Variants in PTCHD4 observed in about 807,000 individuals in gnomAD.
The protein encoded by PTCHD4 is patched domain-containing protein 4.
In PTCHD4, 33 loss-of-function variants were observed where a neutral mutation model predicts 58.1. The observed-to-expected ratio is 0.57, with a 90% CI of 0.43 to 0.76. PTCHD4 has a LOEUF of 0.76. PTCHD4 is among the 30% of genes least tolerant of loss of function. PTCHD4 has a pLI of 0.00. For synonymous variants in PTCHD4, 478 were observed against 409.6 expected (o/e 1.17, Z -2.02); for missense variants, 1,058 against 1,027.1 (o/e 1.03, Z -0.41).
chr6:47,944,775 T>C (rs1314503979), intron 4 of PTCHD4, among the ~76,000 whole-genome samples: 1 of 152,128 alleles, frequency 6.6e-6, no homozygotes, highest in Non-Finnish European at 1.5e-5. Flanking sequence ...GAAGACCTAC[T>C]CTTTGCCAAA....
chr6:48,073,195 C>T (rs887094529), intron 1 of PTCHD4, among the ~76,000 whole-genome samples: 1 of 152,078 alleles, frequency 6.6e-6, no homozygotes, highest in Non-Finnish European at 1.5e-5. Context: ...TTAATTGGTT[C>T]TTTAGTTCAA....
chr6:48,102,247 T>G (rs1029095397), intron 1 of PTCHD4, among the ~76,000 whole-genome samples: 12 of 152,194 alleles, frequency 7.9e-5, no homozygotes, highest in Non-Finnish European at 1.6e-4. Flanking sequence ...GAAATCCTCT[T>G]CCACAATTTT....
At chr6:47,960,320 A>C (rs747936675) in intron 4 of PTCHD4, among the ~76,000 whole-genome samples, 7 of 152,280 alleles carry the variant, frequency 4.6e-5, no homozygotes, top group Non-Finnish European at 5.9e-5. Context: ...AGATGGGACA[A>C]ATACAGGTAA....
At chr6:47,933,978 A>G (rs922856783) in intron 4 of PTCHD4, among the ~76,000 whole-genome samples, 4 of 152,186 alleles carry the variant, frequency 2.6e-5, no homozygotes, top group Admixed American at 1.3e-4. Context: ...TGTTATCTCT[A>G]TACTATCTTG....
chr6:48,083,270 ACT>A (rs1039328820), intron 1 of PTCHD4, among the ~76,000 whole-genome samples: 2 of 151,922 alleles, frequency 1.3e-5, no homozygotes, highest in African/African-American at 4.8e-5. Context: ...TATATGGGTA[ACT>A]ATATAACAAG....
At chr6:47,912,548 A>G (rs908286878) in intron 4 of PTCHD4, among the ~76,000 whole-genome samples, 2 of 152,056 alleles carry the variant, frequency 1.3e-5, no homozygotes, top group South Asian at 2.1e-4. Flanking sequence ...ATTGTTACCA[A>G]CTGTATTTCC....
At chr6:48,105,943 T>A (rs543573735) in intron 1 of PTCHD4, among the ~76,000 whole-genome samples, 1 of 152,156 alleles carries the variant, frequency 6.6e-6, no homozygotes, top group South Asian at 2.1e-4. Context: ...AGCTCTGAAA[T>A]TGAGGCAATA....
chr6:48,105,545 G>A (rs748708822), intron 1 of PTCHD4, among the ~76,000 whole-genome samples: 13 of 152,134 alleles, frequency 8.5e-5, no homozygotes, highest in South Asian at 2.1e-4. Flanking sequence ...AAGAACTAGC[G>A]AAGCAAGAGC....
chr6:48,008,857 C>T lies in PTCHD4; in HGVS notation c.675G>A (p.Lys225=). The T allele has an allele frequency of 6.2e-7, 1 of 1,613,988 alleles. No individual in the cohort carries two copies. The highest frequency in any genetic ancestry group is 8.5e-7 in the Non-Finnish European group (1 of 1,179,882). The change falls in exon 4 of 5, where the codon AAG becomes AAA. Residue 225 remains lysine (K), a synonymous_variant. Coordinates refer to ENST00000339488, the MANE Select transcript of PTCHD4 (RefSeq NM_001384253.1). Reference sequence around the variant, plus strand: ...CCTTGCTTCTGGCCAGGATGCTGGTCTTATGAAAGTCCCTCCAGAGGCTAA... The same window carrying T: ...CCTTGCTTCTGGCCAGGATGCTGGTTTTATGAAAGTCCCTCCAGAGGCTAA... ...ASFSLWRDFH[K]TSILARSKVL... is the part of the protein sequence containing the mutation.
chr6:47,980,255 A>C (rs1767831319), intron 4 of PTCHD4, among the ~76,000 whole-genome samples: 1 of 151,912 alleles, frequency 6.6e-6, no homozygotes, highest in Admixed American at 6.6e-5. Flanking sequence ...AAATTCATGC[A>C]CTTTAGGCCA....
intron 4 of PTCHD4, among the ~76,000 whole-genome samples, chr6:47,922,499 G>A (rs983113267): frequency 4.6e-5 from 7 of 152,078 alleles, no homozygotes; most frequent in African/African-American, 1.7e-4. Flanking sequence ...TTAAATGGCT[G>A]CAGTTCCATC....
chr6:48,054,991 G>T (rs563087642), intron 3 of PTCHD4, among the ~76,000 whole-genome samples: 201 of 152,242 alleles, frequency 1.3e-3, no homozygotes, highest in Non-Finnish European at 1.8e-3. Context: ...AAAGCTGAGG[G>T]ACAAAGATGT....
chr6:48,038,625 A>C (rs1278127491), intron 3 of PTCHD4, among the ~76,000 whole-genome samples: 2 of 148,708 alleles, frequency 1.3e-5, no homozygotes, highest in East Asian at 4.0e-4. Context: ...AGATCATGGC[A>C]CTGCATTCCA....
At chr6:48,019,456 G>A (rs1189311428) in intron 3 of PTCHD4, among the ~76,000 whole-genome samples, 3 of 152,156 alleles carry the variant, frequency 2.0e-5, no homozygotes, top group Non-Finnish European at 2.9e-5. Context: ...ATAAGTACTG[G>A]CCGGGCGCTG....
intron 4 of PTCHD4, among the ~76,000 whole-genome samples, chr6:47,919,427 G>A (rs1765363755): frequency 6.6e-6 from 1 of 152,202 alleles, no homozygotes; most frequent in African/African-American, 2.4e-5. Context: ...CATTGGGTAT[G>A]TAAGGAGAGT....
Position 47,867,527 on chromosome 6 carries a change from CT to C in PTCHD4, c.*10775del, listed in dbSNP as rs1561927825. ...CAAAATCCAAGTAACTCCCCATATC[CT>C]GGCAATGCTTTATAATACCACTCAC... On this transcript the variant is annotated 3_prime_UTR_variant, in exon 5 of 5. Transcript: ENST00000339488. 6.6e-6 allele frequency among the ~76,000 whole-genome samples: 1 copy of C among 151,600 alleles called. No individual in the cohort carries two copies. The highest frequency in any genetic ancestry group is 2.0e-4 in the East Asian group (1 of 5,100).
chr6:48,056,013 G>A (rs376451318), intron 3 of PTCHD4, among the ~76,000 whole-genome samples: 356 of 152,318 alleles, frequency 2.3e-3, no homozygotes, highest in African/African-American at 8.1e-3. Context: ...CACTCTTAGT[G>A]GAAAAGTATG....
At chr6:48,091,969 G>T (rs545714168) in intron 1 of PTCHD4, among the ~76,000 whole-genome samples, 1 of 151,658 alleles carries the variant, frequency 6.6e-6, no homozygotes, top group African/African-American at 2.4e-5. Flanking sequence ...AAGATGCCCA[G>T]ATTAAGAGTA....
intron 4 of PTCHD4, among the ~76,000 whole-genome samples, chr6:48,001,584 C>T (rs1192576089): frequency 1.3e-5 from 2 of 152,194 alleles, no homozygotes; most frequent in East Asian, 3.8e-4. Flanking sequence ...GGATCCCTTC[C>T]TTACACCTTA....
Sources: allele counts gnomAD v4.1 joint callset (sites outside exome capture counted in the v4.1 genomes callset), GRCh38; gene constraint gnomAD v4.1.1; transcripts MANE v1.5; gene names NCBI Gene and HGNC (gene_info 2026-07-23, HGNC 2026-07-21).